Variants in LEO1 observed in about 807,000 individuals in gnomAD.
The protein encoded by LEO1 is RNA polymerase-associated protein LEO1.
LEO1 carries 34 observed loss-of-function variants against 80.4 expected under a neutral mutation model. That is an observed-to-expected ratio of 0.42 (90% CI 0.32 to 0.56). LEO1 has a LOEUF of 0.56. LEO1 is among the 20% of genes least tolerant of loss of function. LEO1 has a pLI of 0.10. For synonymous variants in LEO1, 262 were observed against 274.9 expected (o/e 0.95, Z 0.46); for missense variants, 631 against 814.2 (o/e 0.77, Z 2.74).
chr15:51,959,472 A>C (rs765479838), intron 5 of LEO1, among the ~76,000 whole-genome samples: 2 of 152,218 alleles, frequency 1.3e-5, no homozygotes, highest in East Asian at 3.8e-4. Flanking sequence ...AAAAAATTTT[A>C]AAAGCACAAG....
chr15:51,948,129 G>A (rs117570022), intron 10 of LEO1, among the ~76,000 whole-genome samples: 2,057 of 152,208 alleles, frequency 0.014, 82 homozygotes, highest in East Asian at 0.071. Context: ...GTAGAGGGGC[G>A]CCCATCTGCT....
At chr15:51,948,852 GA>G (rs2056923360) in intron 10 of LEO1, among the ~76,000 whole-genome samples, 1 of 152,166 alleles carries the variant, frequency 6.6e-6, no homozygotes, top group Non-Finnish European at 1.5e-5. Context: ...TGGCTTGGGG[GA>G]ACCCCTGGGT....
At chr15:51,971,658 CA>C in intron 1 of LEO1, 29 bp downstream of exon 1, 1 of 1,611,082 alleles carries the variant, frequency 6.2e-7, no homozygotes, top group Non-Finnish European at 8.5e-7. Context: ...GCCTGCCACG[CA>C]CCCATCCTCC....
chr15:51,947,673 C>T (rs887692303), intron 10 of LEO1, among the ~76,000 whole-genome samples: 3 of 144,422 alleles, frequency 2.1e-5, no homozygotes, highest in Non-Finnish European at 4.4e-5. Context: ...GATCCTCCTT[C>T]TTCAGCCCCC....
chr15:51,953,562 G>A (rs2056965354), intron 7 of LEO1, among the ~76,000 whole-genome samples: 2 of 152,032 alleles, frequency 1.3e-5, no homozygotes, highest in African/African-American at 2.4e-5. Flanking sequence ...GGAGGTTGCA[G>A]TGAGCCAAGA....
intron 6 of LEO1, among the ~76,000 whole-genome samples, chr15:51,955,874 A>G (rs2056985068): frequency 6.6e-6 from 1 of 152,174 alleles, no homozygotes; most frequent in Non-Finnish European, 1.5e-5. Flanking sequence ...TAACTCCATC[A>G]TATTTATGAA....
At chr15:51,954,060 G>A (rs2056969278) in intron 7 of LEO1, among the ~76,000 whole-genome samples, 1 of 151,812 alleles carries the variant, frequency 6.6e-6, no homozygotes, top group South Asian at 2.1e-4. Flanking sequence ...AGCCTCCTGA[G>A]TAGCTGGGAT....
chr15:51,951,648 C>A (rs1468936166), intron 9 of LEO1, among the ~76,000 whole-genome samples, 196 bp downstream of exon 9: 1 of 152,162 alleles, frequency 6.6e-6, no homozygotes, highest in African/African-American at 2.4e-5. Flanking sequence ...AGAACCTGAG[C>A]CCTGTTTCTG....
At chr15:51,944,151 G>GCAGATA (rs2056880569) in intron 11 of LEO1, among the ~76,000 whole-genome samples, 1 of 152,200 alleles carries the variant, frequency 6.6e-6, no homozygotes, top group South Asian at 2.1e-4. Flanking sequence ...AGAACCACGT[G>GCAGATA]CAGATACATC....
chr15:51,960,011 C>T lies in LEO1; in HGVS notation c.1048G>A (p.Glu350Lys). The T allele has an allele frequency of 6.2e-7, 1 of 1,613,632 alleles. No homozygotes were observed. Among genetic ancestry groups the T allele is most frequent in the Non-Finnish European group, 8.5e-7 (1 of 1,179,810 alleles). The change falls in exon 5 of 12, where the codon GAG becomes AAG. Residue 350 changes from glutamate (E) to lysine (K), a missense_variant. By Grantham distance (56) the Glu-to-Lys change is moderately conservative. Around this residue, in one of 4 missense-constraint regions of LEO1, gnomAD observed 95 missense variants for 171.7 expected, o/e 0.55. Transcript: ENST00000299601. ...ATTCTGGTCTCAGGAATTGGCTCCT[C>T]TTCCTGTTGATCCTGAGGCAATCCA... ...ENGLPQDQQE[E>K]EPIPETRIEV...
chr15:51,943,100 C>A (rs1199883454), intron 11 of LEO1, among the ~76,000 whole-genome samples: 1 of 151,990 alleles, frequency 6.6e-6, no homozygotes, highest in African/African-American at 2.4e-5. Flanking sequence ...AAAAAATAGA[C>A]TGGGCGTGGT....
chr15:51,950,214 T>C (rs1042196039), intron 9 of LEO1, among the ~76,000 whole-genome samples: 5 of 152,152 alleles, frequency 3.3e-5, no homozygotes, highest in African/African-American at 1.2e-4. Context: ...GCCCTGACAC[T>C]AACCGGCCCA....
chr15:51,960,334 G>C (rs1389137875), intron 4 of LEO1, among the ~76,000 whole-genome samples: 1 of 152,150 alleles, frequency 6.6e-6, no homozygotes, highest in Admixed American at 6.5e-5. Context: ...ATTAAAACCA[G>C]AGAAGATTAT....
chr15:51,944,488 CA>C (rs1438240412), intron 11 of LEO1, among the ~76,000 whole-genome samples: 1 of 152,010 alleles, frequency 6.6e-6, no homozygotes, highest in African/African-American at 2.4e-5. Flanking sequence ...CATAGCTTTA[CA>C]AAGGTACCAG....
At chr15:51,968,164 C>T (rs1174347336) in intron 1 of LEO1, among the ~76,000 whole-genome samples, 3 of 152,106 alleles carry the variant, frequency 2.0e-5, no homozygotes, top group African/African-American at 7.2e-5. Flanking sequence ...GCCTGGGCAA[C>T]AGACCAAGAC....
At chr15:51,948,780 G>A (rs1262704589) in intron 10 of LEO1, among the ~76,000 whole-genome samples, 2 of 152,170 alleles carry the variant, frequency 1.3e-5, no homozygotes, top group East Asian at 1.9e-4. Flanking sequence ...AGATGAGAGC[G>A]GGCAGGGTCA....
Position 51,947,310 on chromosome 15 carries a change from C to G in LEO1, c.1878G>C (p.Lys626Asn). 6.2e-7 allele frequency: 1 copy of G among 1,612,922 alleles called. No homozygotes were observed. The highest frequency in any genetic ancestry group is 8.5e-7 in the Non-Finnish European group (1 of 1,178,920). Residue 626 changes from lysine (K) to asparagine (N), a missense_variant, in exon 11 of 12, where the codon AAG becomes AAC. By Grantham distance (94) the Lys-to-Asn change is moderately conservative. Transcript: ENST00000299601. ...EDKAQRLLKAKKLTSDEEGEP... is the reference protein window; with the variant it reads ...EDKAQRLLKANKLTSDEEGEP... ...GTCTTACCTCATCACTGGTAAGTTT[C>G]TTTGCTTTGAGTAATCTTTGAGCTT...
chr15:51,970,274 C>T (rs1456414175), intron 1 of LEO1, among the ~76,000 whole-genome samples: 1 of 152,180 alleles, frequency 6.6e-6, no homozygotes, highest in African/African-American at 2.4e-5. Flanking sequence ...TCTCATGCCT[C>T]AGCCTTCTGA....
intron 11 of LEO1, among the ~76,000 whole-genome samples, chr15:51,943,722 A>C (rs1015495477): frequency 2.0e-5 from 3 of 151,840 alleles, no homozygotes; most frequent in Non-Finnish European, 4.4e-5. Context: ...AAAGAAAGAA[A>C]GGCATGATAA....
Sources: allele counts gnomAD v4.1 joint callset (sites outside exome capture counted in the v4.1 genomes callset), GRCh38; gene constraint gnomAD v4.1.1; regional missense constraint gnomAD v4.1.1; transcripts MANE v1.5; gene names NCBI Gene and HGNC (gene_info 2026-07-23, HGNC 2026-07-21).